MECOM: variants seen among roughly 807,000 people sequenced by gnomAD.
MECOM encodes the protein histone-lysine N-methyltransferase MECOM.
In MECOM, 13 loss-of-function variants were observed where a neutral mutation model predicts 116.3. The ratio of observed to expected loss-of-function variants is 0.11; its 90% CI spans 0.07 to 0.18. MECOM has a LOEUF of 0.18. Among genes scored for constraint, MECOM ranks in the 10% least tolerant of loss-of-function variants. The probability of loss-of-function intolerance (pLI) is 1.00; values close to 1 mark genes in which losing one functional copy is unlikely to be tolerated. For missense variants in MECOM, 1,299 were observed against 1,509.0 expected (o/e 0.86, Z 2.31); for synonymous variants, 528 against 535.2 (o/e 0.99, Z 0.19).
chr3:169,398,485 G>A (rs1471430412), intron 1 of MECOM, among the ~76,000 whole-genome samples: 1 of 152,198 alleles, frequency 6.6e-6, no homozygotes, highest in Non-Finnish European at 1.5e-5. Context: ...TTAGAAAAAT[G>A]TAGGAGGGTT....
intron 1 of MECOM, among the ~76,000 whole-genome samples, chr3:169,641,398 T>C (rs936476145): frequency 6.6e-6 from 1 of 152,180 alleles, no homozygotes; most frequent in Non-Finnish European, 1.5e-5. Context: ...CTGAGCCAAC[T>C]CCTTACTGAT....
intron 1 of MECOM, among the ~76,000 whole-genome samples, chr3:169,387,612 A>C (rs777282309): frequency 6.6e-6 from 1 of 152,234 alleles, no homozygotes; most frequent in African/African-American, 2.4e-5. Flanking sequence ...TATTAAGAGC[A>C]TATATACATA....
intron 15 of MECOM, 58 bp from the exon 16 acceptor site, chr3:169,089,241 T>A: frequency 7.8e-7 from 1 of 1,275,182 alleles, no homozygotes; most frequent in Non-Finnish European, 1.0e-6. Context: ...TCTAATCAAA[T>A]CACTTTCATT....
chr3:169,462,021 C>T (rs781772834), intron 1 of MECOM, among the ~76,000 whole-genome samples: 7 of 152,046 alleles, frequency 4.6e-5, no homozygotes, highest in Admixed American at 1.3e-4. Flanking sequence ...TCCAAATATT[C>T]GCTAGTGTAT....
At chr3:169,433,679 AAGAAAGAAAGAG>A (rs1246131630) in intron 1 of MECOM, among the ~76,000 whole-genome samples, 55 of 146,866 alleles carry the variant, frequency 3.7e-4, no homozygotes, top group Non-Finnish European at 7.0e-4. Flanking sequence ...GAAAGAAAGA[AAGAAAGAAAGAG>A]AAAGAAAGAA....
At chr3:169,320,412 C>T (rs192020891) in intron 2 of MECOM, among the ~76,000 whole-genome samples, 16 of 152,184 alleles carry the variant, frequency 1.1e-4, no homozygotes, top group East Asian at 3.9e-4. Context: ...AAATTGATGA[C>T]GTAAGGTCCC....
At chr3:169,454,174 C>T (rs998228821) in intron 1 of MECOM, among the ~76,000 whole-genome samples, 2 of 152,158 alleles carry the variant, frequency 1.3e-5, no homozygotes, top group African/African-American at 4.8e-5. Context: ...AGGGCTTGTG[C>T]ATCATTTACA....
At chr3:169,547,931 A>G (rs1760926797) in intron 1 of MECOM, among the ~76,000 whole-genome samples, 1 of 152,164 alleles carries the variant, frequency 6.6e-6, no homozygotes, top group Non-Finnish European at 1.5e-5. Flanking sequence ...CTCGCCTCAG[A>G]GCCTCCAGGA....
intron 1 of MECOM, among the ~76,000 whole-genome samples, chr3:169,544,245 T>C (rs1213853475): frequency 2.0e-5 from 3 of 152,214 alleles, no homozygotes; most frequent in African/African-American, 7.2e-5. Flanking sequence ...TTAATGTGAG[T>C]AAAGCAGTGC....
At chr3:169,107,084 G>C (rs567897693) in intron 10 of MECOM, among the ~76,000 whole-genome samples, 1 of 152,088 alleles carries the variant, frequency 6.6e-6, no homozygotes, top group Non-Finnish European at 1.5e-5. Context: ...CTTCAATTAA[G>C]TTTATATATA....
chr3:169,129,010 T>C (rs1397760005), intron 4 of MECOM, among the ~76,000 whole-genome samples: 1 of 152,160 alleles, frequency 6.6e-6, no homozygotes, highest in Non-Finnish European at 1.5e-5. Context: ...AATCCCTCTT[T>C]TATAGACCTA....
intron 1 of MECOM, among the ~76,000 whole-genome samples, chr3:169,616,536 T>C (rs1274674674): frequency 6.6e-6 from 1 of 152,124 alleles, no homozygotes; most frequent in Non-Finnish European, 1.5e-5. Flanking sequence ...TTAGTAGAGA[T>C]GCCATGTTGG....
intron 16 of MECOM, among the ~76,000 whole-genome samples, chr3:169,085,594 TGTCTTTTC>T (rs1717426317): frequency 6.6e-6 from 1 of 152,140 alleles, no homozygotes; most frequent in Admixed American, 6.6e-5. Context: ...TTTAATCCAT[TGTCTTTTC>T]TCCAATTTCC....
intron 5 of MECOM, among the ~76,000 whole-genome samples, chr3:169,126,043 A>G (rs771950679): frequency 2.0e-5 from 3 of 152,128 alleles, no homozygotes; most frequent in Admixed American, 1.3e-4. Flanking sequence ...TTAGCATTCA[A>G]TTGCATAGTG....
chr3:169,594,247 T>C (rs911344039), intron 1 of MECOM, among the ~76,000 whole-genome samples: 7 of 151,790 alleles, frequency 4.6e-5, no homozygotes, highest in African/African-American at 1.7e-4. Context: ...AGCTGACCCT[T>C]TGCTCTAAGC....
At chr3:169,220,084 A>T (rs182436149) in intron 2 of MECOM, among the ~76,000 whole-genome samples, 41 of 152,110 alleles carry the variant, frequency 2.7e-4, no homozygotes, top group African/African-American at 9.6e-4. Flanking sequence ...CCCAACACTT[A>T]AGAAAGCTGA....
chr3:169,655,295 C>T (rs1416914206), intron 1 of MECOM, among the ~76,000 whole-genome samples: 1 of 152,144 alleles, frequency 6.6e-6, no homozygotes, highest in Non-Finnish European at 1.5e-5. Context: ...AAGGCTTATA[C>T]CCACCTTGCT....
intron 1 of MECOM, among the ~76,000 whole-genome samples, chr3:169,495,959 T>C (rs1753751761): frequency 6.6e-6 from 1 of 152,232 alleles, no homozygotes; most frequent in South Asian, 2.1e-4. Context: ...AAACAGTGCC[T>C]GACACATAGT....
At chr3:169,120,956 G>C (rs537620887) in intron 7 of MECOM, 100 bp downstream of exon 7, 3 of 1,246,520 alleles carry the variant, frequency 2.4e-6, no homozygotes, top group Non-Finnish European at 3.3e-6. Context: ...TAGCTAACAC[G>C]GTGACCCTCT....
Sources: gnomAD v4.1 joint callset for allele counts (sites outside exome capture counted in the v4.1 genomes callset) on GRCh38, gnomAD v4.1.1 for gene constraint, MANE v1.5 for transcripts, NCBI Gene and HGNC (gene_info 2026-07-23, HGNC 2026-07-21) for gene names.